Variants in HEMK2 observed in about 807,000 individuals in gnomAD.
HEMK2 encodes the protein methyltransferase HEMK2.
At chr21:28,686,468 C>A in the HEMK2 span, among the ~76,000 whole-genome samples, 1 of 152,040 alleles carries the variant, frequency 6.6e-6, no homozygotes, top group Non-Finnish European at 1.5e-5. Flanking sequence ...CTCCTGACCT[C>A]GTGATCCTCC....
chr21:28,685,430 G>A, the HEMK2 span, among the ~76,000 whole-genome samples: 1 of 152,192 alleles, frequency 6.6e-6, no homozygotes, highest in Non-Finnish European at 1.5e-5. Context: ...GAGCCACAGT[G>A]ATGACTCCCT....
the HEMK2 span, among the ~76,000 whole-genome samples, chr21:28,851,183 T>C: frequency 9.2e-5 from 14 of 152,276 alleles, no homozygotes; most frequent in Admixed American, 5.9e-4. Context: ...CTGCAGAAGA[T>C]GGCAGGGCCT....
the HEMK2 span, among the ~76,000 whole-genome samples, chr21:28,819,996 A>G: frequency 6.6e-6 from 1 of 152,154 alleles, no homozygotes; most frequent in Non-Finnish European, 1.5e-5. Flanking sequence ...TCAATTTATT[A>G]AGTGATATGA....
chr21:28,646,668 T>C, the HEMK2 span, among the ~76,000 whole-genome samples: 2 of 152,198 alleles, frequency 1.3e-5, no homozygotes, highest in African/African-American at 4.8e-5. Flanking sequence ...TGGAGATCAC[T>C]AAAGGTTCAT....
chr21:28,803,195 C>G, the HEMK2 span, among the ~76,000 whole-genome samples: 1 of 152,160 alleles, frequency 6.6e-6, no homozygotes, highest in African/African-American at 2.4e-5. Context: ...AAAATCATTT[C>G]CCTCGATTTC....
chr21:28,885,129 T>G, the HEMK2 span: 2 of 1,443,624 alleles, frequency 1.4e-6, no homozygotes, highest in East Asian at 2.6e-5. Flanking sequence ...AGGGCGGTGA[T>G]AGTCACCGTT....
the HEMK2 span, among the ~76,000 whole-genome samples, chr21:28,728,101 ATT>A: frequency 6.6e-6 from 1 of 152,228 alleles, no homozygotes; most frequent in African/African-American, 2.4e-5. Flanking sequence ...AAAATAATAA[ATT>A]TGTGTTGTCT....
At chr21:28,669,400 C>A in the HEMK2 span, among the ~76,000 whole-genome samples, 1 of 152,192 alleles carries the variant, frequency 6.6e-6, no homozygotes, top group Admixed American at 6.5e-5. Flanking sequence ...TGGATGTTGG[C>A]TCCCAATTAT....
the HEMK2 span, among the ~76,000 whole-genome samples, chr21:28,877,150 G>A: frequency 3.4e-5 from 4 of 117,500 alleles, no homozygotes; most frequent in African/African-American, 9.8e-5. Flanking sequence ...AAGAGAGAGA[G>A]AGAAAGAAAG....
At chr21:28,805,286 A>C in the HEMK2 span, among the ~76,000 whole-genome samples, 1 of 152,178 alleles carries the variant, frequency 6.6e-6, no homozygotes, top group Non-Finnish European at 1.5e-5. Context: ...TAGCAGTTCT[A>C]GCTTCTCACT....
At chr21:28,758,750 T>C in the HEMK2 span, among the ~76,000 whole-genome samples, 1 of 152,018 alleles carries the variant, frequency 6.6e-6, no homozygotes, top group African/African-American at 2.4e-5. Context: ...ATGTCAAACC[T>C]CCCCATGACA....
the HEMK2 span, among the ~76,000 whole-genome samples, chr21:28,656,916 C>T: frequency 1.3e-5 from 2 of 151,976 alleles, no homozygotes; most frequent in South Asian, 2.1e-4. Context: ...AAATGAAAAA[C>T]ACCTACCTTC....
chr21:28,793,604 G>A, the HEMK2 span, among the ~76,000 whole-genome samples: 12 of 152,196 alleles, frequency 7.9e-5, no homozygotes, highest in Non-Finnish European at 1.6e-4. Flanking sequence ...GCTGTGAGGT[G>A]AGTGGTGGTC....
chr21:28,818,671 C>A, the HEMK2 span, among the ~76,000 whole-genome samples: 1 of 152,158 alleles, frequency 6.6e-6, no homozygotes, highest in East Asian at 1.9e-4. Context: ...GATGGGCTTG[C>A]CACACTTGGG....
the HEMK2 span, among the ~76,000 whole-genome samples, chr21:28,765,266 G>A: frequency 6.6e-6 from 1 of 152,062 alleles, no homozygotes; most frequent in African/African-American, 2.4e-5. Flanking sequence ...TGAGTTTCAG[G>A]TGAGACTGCA....
At chr21:28,578,086 T>G in the HEMK2 span, among the ~76,000 whole-genome samples, 2 of 152,226 alleles carry the variant, frequency 1.3e-5, no homozygotes, top group East Asian at 1.9e-4. Flanking sequence ...CATTGCTATA[T>G]CCTATCTCTA....
the HEMK2 span, chr21:28,874,343 A>G: frequency 1.3e-5 from 2 of 152,256 alleles, no homozygotes; most frequent in Non-Finnish European, 2.9e-5. Context: ...CTATTTCAGT[A>G]AGGATAAAAC....
chr21:28,843,937 C>T, the HEMK2 span, among the ~76,000 whole-genome samples: 1 of 151,820 alleles, frequency 6.6e-6, no homozygotes, highest in African/African-American at 2.4e-5. Flanking sequence ...TTAAAATGCT[C>T]AAAAATAAAA....
chr21:28,644,333 T>G, the HEMK2 span, among the ~76,000 whole-genome samples: 1 of 152,170 alleles, frequency 6.6e-6, no homozygotes, highest in African/African-American at 2.4e-5. Context: ...CGCCCCATAA[T>G]TCGGTCACCT....
Sources: gnomAD v4.1 joint callset for allele counts (sites outside exome capture counted in the v4.1 genomes callset) on GRCh38, gnomAD v4.1.1 for gene constraint, MANE v1.5 for transcripts, NCBI Gene and HGNC (gene_info 2026-07-23, HGNC 2026-07-21) for gene names.